Variants in SHC2 observed in about 807,000 individuals in gnomAD.
SHC2 encodes SHC adaptor protein 2, also known as SHC-transforming protein 2.
A neutral mutation model predicts 60.6 loss-of-function variants in SHC2; 62 were observed. The ratio of observed to expected loss-of-function variants is 1.02; its 90% confidence interval spans 0.83 to 1.26. The LOEUF (loss-of-function observed/expected upper bound fraction) is 1.26. Ranked by LOEUF, SHC2 falls within the 50% of genes most tolerant of loss-of-function variation. The pLI, the probability that SHC2 is intolerant of heterozygous loss-of-function variation, is 0.00. For missense variants in SHC2, 873 were observed against 822.2 expected, an observed-to-expected ratio of 1.06 and a Z score of -0.76; for synonymous variants, 375 against 372.4, an observed-to-expected ratio of 1.01 and a Z score of -0.08.
At chr19:459,913 A>C (rs1975497716) in intron 1 of SHC2, among the ~76,000 whole-genome samples, 1 of 152,130 alleles carries the variant, frequency 6.6e-6, no homozygotes, top group Non-Finnish European at 1.5e-5. Context: ...AACCACAGAG[A>C]GGGGCAGACC....
Position 430,743 on chromosome 19 carries a change from G to A in SHC2, c.1115C>T (p.Pro372Leu). 6.2e-7 allele frequency: 1 copy of A among 1,612,998 alleles called. No homozygotes were observed. Among genetic ancestry groups the A allele is most frequent in the Non-Finnish European group, 8.5e-7 (1 of 1,179,788 alleles). The change falls in exon 9 of 13, where the codon CCA (proline) becomes CTA (leucine). Residue 372 changes from proline to leucine, a missense_variant. By Grantham distance (98) the Pro-to-Leu change is moderately conservative. Coordinates refer to ENST00000264554, the MANE Select transcript of SHC2 (RefSeq NM_012435.3). ...PCALTALDQG[P>L]SPSLRDACSL... ...GCAGGCATCTCTTAGAGAAGGAGATGGGCCCTGGAAACAGAGCAGTGAGAG... is the reference window on the plus strand; with the variant it reads ...GCAGGCATCTCTTAGAGAAGGAGATAGGCCCTGGAAACAGAGCAGTGAGAG...
chr19:435,164 G>A lies in SHC2; in HGVS notation c.954-299C>T, dbSNP rs544549668. ...GGCCCCGCCCGGCAGCAGAGGGCAT[G>A]AGCCAAGTTTATACCCAGAACCAGG... On this transcript the variant is annotated intron_variant, in intron 7 of 12. Coordinates refer to ENST00000264554, the MANE Select transcript of SHC2 (RefSeq NM_012435.3). 3.5e-4 allele frequency among the ~76,000 whole-genome samples: 54 copies of A among 152,364 alleles called. 1 individual carries two copies. The highest frequency in any genetic ancestry group is 2.6e-4 in the Admixed American group (4 of 15,312).
chr19:429,553 C>T lies in SHC2; in HGVS notation c.1174+1131G>A, dbSNP rs7248588. On this transcript the variant is annotated intron_variant, in intron 9 of 12. Coordinates refer to ENST00000264554, the MANE Select transcript of SHC2 (RefSeq NM_012435.3). Reference sequence around the variant, plus strand: ...TGACGCAGTACCTATATCCAACGTGCACAGAAACCTAACACCGTGTGGATG... The same window carrying T: ...TGACGCAGTACCTATATCCAACGTGTACAGAAACCTAACACCGTGTGGATG... Among the ~76,000 whole-genome samples, 1,018 of 148,744 alleles carry T rather than the reference C, an allele frequency of 6.8e-3. 4 individuals are homozygous for T. The highest frequency in any genetic ancestry group is 0.023 in the African/African-American group (943 of 40,324).
At chr19:452,105 T>C (rs73489637) in intron 1 of SHC2, among the ~76,000 whole-genome samples, 5,020 of 152,238 alleles carry the variant, frequency 0.033, 282 homozygotes, top group African/African-American at 0.11. Flanking sequence ...AAACATATTT[T>C]GAGTTACTAG....
In SHC2 at chr19:438,717, C is replaced by G. The variant is rs1452218286; in HGVS notation, c.720+1G>C. 6.4e-7 allele frequency: 1 copy of G among 1,554,950 alleles called. No individual in the cohort carries two copies. ...ACGCCAGGCGAAGAGGGCAGACCCA[C>G]CTGGCGCGTGGCAGGCACGGAGAGG... On this transcript the variant is annotated splice_donor_variant, in intron 4 of 12. Coordinates refer to ENST00000264554, the MANE Select transcript of SHC2 (RefSeq NM_012435.3). LOFTEE classifies it high-confidence loss of function. This position sits in a 1 kb window ranked among gnomAD's most constrained non-coding sequence, Gnocchi z 5.0.
At chr19:430,651 G>A (rs779394680) in intron 9 of SHC2, 33 bp downstream of exon 9, 43 of 1,596,978 alleles carry the variant, frequency 2.7e-5, no homozygotes, top group Middle Eastern at 1.7e-4. Context: ...CAGAATCCTC[G>A]TGGGTACCCC....
intron 9 of SHC2, among the ~76,000 whole-genome samples, chr19:427,622 G>A (rs1176725258): frequency 9.4e-6 from 1 of 106,416 alleles, no homozygotes; most frequent in Non-Finnish European, 1.9e-5. Context: ...ATTGCGCACG[G>A]CACAGGTAAG....
intron 11 of SHC2, among the ~76,000 whole-genome samples, chr19:421,266 G>T (rs1371867888): frequency 3.3e-5 from 5 of 152,018 alleles, no homozygotes. Context: ...CGGGCGTGGT[G>T]GTGGGAACCT....
rs2145689967 is a variant in SHC2, at chr19:422,517, C to G, written c.1310-61G>C. ...GGGCAAGCAGCTACTCCTGCCGGGA[C>G]CAGAGCTGGGAGAAACGGGTTCCCC... On this transcript the variant is annotated intron_variant, in intron 10 of 12. Transcript: ENST00000264554. This position sits in a 1 kb window ranked among gnomAD's most constrained non-coding sequence, Gnocchi z 5.0. The G allele has an allele frequency of 1.4e-6, 2 of 1,395,850 alleles. No individual in the cohort carries two copies. Among genetic ancestry groups the G allele is most frequent in the South Asian group, 3.0e-5 (2 of 67,348 alleles). The allele number at this position is 1,395,850 out of a possible 1,614,324, so 86.5% of individuals were successfully genotyped here.
rs1001265214 is a variant in SHC2, at chr19:440,350, G to C, written c.539+512C>G. On this transcript the variant is annotated intron_variant, in intron 2 of 12. Coordinates refer to ENST00000264554, the MANE Select transcript of SHC2 (RefSeq NM_012435.3). This position sits in a 1 kb window ranked among gnomAD's most constrained non-coding sequence, Gnocchi z 7.0. ...AAACTGTACATTATATCTCACATAC[G>C]CACGTGTAAACTGTCTCACATGGTT... is the stretch of plus-strand genomic sequence containing the variant. Among the ~76,000 whole-genome samples the C allele has an allele frequency of 6.6e-6, 1 of 152,138 alleles. No homozygotes were observed. The highest frequency in any genetic ancestry group is 1.5e-5 in the Non-Finnish European group (1 of 68,026).
intron 1 of SHC2, 89 bp downstream of exon 1, chr19:460,440 G>A (rs1435338334): frequency 5.4e-5 from 31 of 574,558 alleles, no homozygotes; most frequent in Non-Finnish European, 7.4e-5. Context: ...GGGGACACCT[G>A]GCTCGCGGGG....
At chr19:420,377 G>C (rs944921735) in intron 11 of SHC2, among the ~76,000 whole-genome samples, 1 of 152,190 alleles carries the variant, frequency 6.6e-6, no homozygotes, top group African/African-American at 2.4e-5. Flanking sequence ...ACCAGCCCAA[G>C]AGCCACCTGA....
Position 453,477 on chromosome 19 carries a change from G to A in SHC2, c.468+7052C>T, listed in dbSNP as rs1352806011. ...GGTAGAGACAGGGTTTCACCAAGCT[G>A]CCCAGGCTGGTCTCAAACTCCTGGG... On this transcript the variant is annotated intron_variant, in intron 1 of 12. Coordinates refer to ENST00000264554, the MANE Select transcript of SHC2 (RefSeq NM_012435.3). This position sits in a 1 kb window ranked among gnomAD's most constrained non-coding sequence, Gnocchi z 6.3. 6.6e-6 allele frequency among the ~76,000 whole-genome samples: 1 copy of A among 152,092 alleles called. No homozygotes were observed. The highest frequency in any genetic ancestry group is 1.5e-5 in the Non-Finnish European group (1 of 68,002).
chr19:434,692 C>T lies in SHC2; in HGVS notation c.1110+17G>A, dbSNP rs763835951. ...TGGGGCATCCCTGTCCCCATCCCCC[C>T]GAGGGCAGAGGCTGACCTGGTCGAG... On this transcript the variant is annotated intron_variant, in intron 8 of 12. Coordinates refer to ENST00000264554, the MANE Select transcript of SHC2 (RefSeq NM_012435.3). 44 of 1,599,046 alleles carry T rather than the reference C, an allele frequency of 2.8e-5. No homozygotes were observed. Among genetic ancestry groups the T allele is most frequent in the Non-Finnish European group, 2.9e-5 (34 of 1,174,222 alleles).
intron 1 of SHC2, among the ~76,000 whole-genome samples, chr19:443,458 G>T (rs1299703232): frequency 7.5e-6 from 1 of 133,036 alleles, no homozygotes; most frequent in East Asian, 2.7e-4. Context: ...GGTTGGATGG[G>T]TGGACAGATG....
At position 436,254 on chromosome 19, in the gene SHC2, C is replaced by T. The variant is rs1050233956; in HGVS notation, c.864G>A (p.Gln288=). 1.3e-6 allele frequency: 2 copies of T among 1,596,624 alleles called. No homozygotes were observed. Among genetic ancestry groups the T allele is most frequent in the African/African-American group, 2.7e-5 (2 of 74,648 alleles). ...CTTGGCCCACGGTGCTGATGATGCT[C>T]TGTGCCAGGCCCTCACAGCACTCCA... is the stretch of plus-strand genomic sequence containing the variant. ...HILECCEGLA[Q]SIISTVGQAF... Residue 288 remains glutamine, a synonymous_variant, in exon 7 of 13, where the codon CAG becomes CAA. Transcript: ENST00000264554.
chr19:458,769 G>A (rs189936667), intron 1 of SHC2, among the ~76,000 whole-genome samples: 3,673 of 75,826 alleles, frequency 0.048, 184 homozygotes, highest in African/African-American at 0.19. Context: ...GGGAGGCGGA[G>A]GCGGGTTCCG....
rs1401684744 is a variant in SHC2, at chr19:445,161, C to T, written c.469-4229G>A. On this transcript the variant is annotated intron_variant, in intron 1 of 12. Transcript: ENST00000264554. The surrounding 1 kb of genome is among the most constrained non-coding windows in gnomAD (Gnocchi z 4.4). ...ATTCTCCCAGTTTGTAAATATCGAT[C>T]TAGGGCTGAATATCTGTGCCCCCCT... Among the ~76,000 whole-genome samples the T allele has an allele frequency of 6.6e-6, 1 of 152,224 alleles. No homozygotes were observed. Among genetic ancestry groups the T allele is most frequent in the African/African-American group, 2.4e-5 (1 of 41,452 alleles).
At chr19:448,593 C>G (rs967929018) in intron 1 of SHC2, among the ~76,000 whole-genome samples, 2 of 152,166 alleles carry the variant, frequency 1.3e-5, no homozygotes, top group African/African-American at 4.8e-5. Flanking sequence ...TTGGGGAACA[C>G]CGTTCGCCCC....
Sources: gnomAD v4.1 joint callset for allele counts (sites outside exome capture counted in the v4.1 genomes callset) on GRCh38, gnomAD v4.1.1 for gene constraint, Gnocchi (gnomAD v3.1) non-coding constraint, MANE v1.5 for transcripts, NCBI Gene and HGNC (gene_info 2026-07-23, HGNC 2026-07-21) for gene names.